TENM4: variants seen among roughly 807,000 people sequenced by gnomAD.
The protein encoded by TENM4 is teneurin-4.
TENM4 carries 82 observed loss-of-function variants against 243.3 expected under a neutral mutation model. That is an observed-to-expected ratio of 0.34 (90% confidence interval 0.28 to 0.40). The LOEUF is 0.40. Ranked by LOEUF, TENM4 falls within the 10% of genes least tolerant of loss-of-function variation. The pLI, the probability that TENM4 is intolerant of heterozygous loss-of-function variation, is 1.00. For missense variants in TENM4, 3,138 were observed against 3,673.3 expected (o/e 0.85, Z 3.77); for synonymous variants, 1,412 against 1,456.3 (o/e 0.97, Z 0.69).
chr11:78,995,562 G>T (rs11237677), intron 6 of TENM4, among the ~76,000 whole-genome samples: 23,923 of 152,166 alleles, frequency 0.16, 2,152 homozygotes, highest in Middle Eastern at 0.27. Context: ...AAATGCTATG[G>T]GTCAAAATCT....
At chr11:78,803,363 A>G (rs1857322440) in intron 15 of TENM4, among the ~76,000 whole-genome samples, 1 of 152,310 alleles carries the variant, frequency 6.6e-6, no homozygotes, top group East Asian at 1.9e-4. Flanking sequence ...CTATAACTCC[A>G]GAAGGTAGGT....
At chr11:79,421,652 G>C (rs2135590901) in intron 1 of TENM4, among the ~76,000 whole-genome samples, 1 of 151,836 alleles carries the variant, frequency 6.6e-6, no homozygotes, top group Non-Finnish European at 1.5e-5. Context: ...TAATTAAATA[G>C]GAGCTAAAGG....
Position 78,899,568 on chromosome 11 carries a change from GGGGAA to G in TENM4, c.749+3695_749+3699del, listed in dbSNP as rs1194837419. ...ACTCTGTCTCAAAAAGCGGGGGGGG[GGGGAA>G]AAAGAAAAAAGAAAGAAAATTTGAT... On this transcript the variant is annotated intron_variant, in intron 7 of 33. Coordinates refer to ENST00000278550, the MANE Select transcript of TENM4 (RefSeq NM_001098816.3). Among the ~76,000 whole-genome samples, 2 of 129,272 alleles carry G rather than the reference GGGGAA, an allele frequency of 1.5e-5. 1 individual carries two copies. Among genetic ancestry groups the G allele is most frequent in the Admixed American group, 1.6e-4 (2 of 12,738 alleles). 84.8% of individuals were successfully genotyped at this position (129,272 alleles called of 152,430 possible). A position where few individuals can be genotyped will look rare whatever the true frequency, so the allele number is the denominator to read the frequency against.
chr11:79,421,303 G>A (rs1325955686), intron 1 of TENM4, among the ~76,000 whole-genome samples: 1 of 152,126 alleles, frequency 6.6e-6, no homozygotes, highest in African/African-American at 2.4e-5. Context: ...TGTATGTGAA[G>A]GAGAACCTAG....
intron 9 of TENM4, among the ~76,000 whole-genome samples, chr11:78,868,497 G>A (rs1488994456): frequency 2.0e-5 from 3 of 152,150 alleles, no homozygotes; most frequent in Non-Finnish European, 4.4e-5. Flanking sequence ...TCTTGGCTCT[G>A]GTCAATCTCA....
intron 6 of TENM4, among the ~76,000 whole-genome samples, chr11:79,025,260 G>GGAATGAATGAAT (rs67342343): frequency 2.5e-4 from 37 of 150,898 alleles, no homozygotes; most frequent in African/African-American, 8.1e-4. Context: ...GCATAACACT[G>GGAATGAATGAAT]GAATGAATGA....
At position 78,978,196 on chromosome 11, in the gene TENM4, CCTGTTGGCGG is replaced by C. The variant is rs1483588273; in HGVS notation, c.494-74683_494-74674del. On this transcript the variant is annotated intron_variant, in intron 6 of 33. Coordinates refer to ENST00000278550, the MANE Select transcript of TENM4 (RefSeq NM_001098816.3). ...GGGAGGGGAAAAACATACACTGCAG[CCTGTTGGCGG>C]ATGGGGGGCTAGGGGAGGGATAGCA... Among the ~76,000 whole-genome samples the C allele has an allele frequency of 2.2e-3, 340 of 152,054 alleles. 4 individuals carry two copies. The highest frequency in any genetic ancestry group is 7.4e-3 in the African/African-American group (308 of 41,470).
At chr11:78,798,953 T>A (rs528588532) in intron 15 of TENM4, among the ~76,000 whole-genome samples, 5 of 152,288 alleles carry the variant, frequency 3.3e-5, no homozygotes, top group African/African-American at 9.6e-5. Flanking sequence ...GCGTCTCATT[T>A]CCTGACCAGG....
At chr11:79,245,628 A>G (rs1855497340) in intron 2 of TENM4, among the ~76,000 whole-genome samples, 1 of 152,174 alleles carries the variant, frequency 6.6e-6, no homozygotes, top group South Asian at 2.1e-4. Flanking sequence ...TTTATAGAAA[A>G]AGAAAGGAAG....
intron 9 of TENM4, among the ~76,000 whole-genome samples, chr11:78,868,816 C>G (rs528764024): frequency 1.3e-5 from 2 of 152,146 alleles, no homozygotes; most frequent in African/African-American, 4.8e-5. Flanking sequence ...GTTATAACCA[C>G]AAGGAACTGT....
Position 79,157,137 on chromosome 11 carries a change from T to C in TENM4, c.-162-8331A>G, listed in dbSNP as rs531674490. 7.2e-5 allele frequency among the ~76,000 whole-genome samples: 11 copies of C among 152,258 alleles called. 1 individual carries two copies. The East Asian group carries it at 1.9e-3, about 27-fold the overall frequency. On this transcript the variant is annotated intron_variant, in intron 3 of 33. Transcript: ENST00000278550. ...ATGGGACAGTGCAGGAGCTCCCCAG[T>C]TAGTAGCAGTGCAGGACACAGAGCC...
At chr11:78,862,002 T>C (rs939021685) in intron 10 of TENM4, among the ~76,000 whole-genome samples, 4 of 152,192 alleles carry the variant, frequency 2.6e-5, no homozygotes, top group Non-Finnish European at 5.9e-5. Flanking sequence ...ACAATGTCCA[T>C]GGCATGTTAG....
chr11:79,196,873 C>T (rs1863638753), intron 3 of TENM4, among the ~76,000 whole-genome samples: 1 of 152,178 alleles, frequency 6.6e-6, no homozygotes, highest in Admixed American at 6.5e-5. Flanking sequence ...TCCAACCAGC[C>T]TCACTGACAG....
chr11:79,208,395 T>C (rs774459247), intron 3 of TENM4, among the ~76,000 whole-genome samples: 14 of 152,230 alleles, frequency 9.2e-5, no homozygotes, highest in East Asian at 1.9e-4. Flanking sequence ...CTCTCCACCC[T>C]GGTTTCCTCA....
At chr11:79,031,653 G>A (rs1427060095) in intron 6 of TENM4, among the ~76,000 whole-genome samples, 1 of 152,162 alleles carries the variant, frequency 6.6e-6, no homozygotes, top group African/African-American at 2.4e-5. Flanking sequence ...GAGGGGTTTA[G>A]GACTGTACCT....
chr11:78,855,304 T>A (rs961224892), intron 11 of TENM4, among the ~76,000 whole-genome samples: 2 of 152,210 alleles, frequency 1.3e-5, no homozygotes, highest in Non-Finnish European at 2.9e-5. Flanking sequence ...TTTACATTAC[T>A]CCAATTCCAG....
At chr11:79,118,978 C>T (rs796086653) in intron 4 of TENM4, among the ~76,000 whole-genome samples, 31 of 151,890 alleles carry the variant, frequency 2.0e-4, no homozygotes, top group African/African-American at 7.5e-4. Context: ...GAGGAATTGC[C>T]ATACTGTTTT....
intron 2 of TENM4, among the ~76,000 whole-genome samples, chr11:79,252,977 A>G (rs751346887): frequency 6.6e-6 from 1 of 152,236 alleles, no homozygotes; most frequent in East Asian, 1.9e-4. Context: ...TGCTTAATAC[A>G]TATATTATAT....
chr11:78,738,182 T>C (rs1162374851), intron 20 of TENM4, among the ~76,000 whole-genome samples: 1 of 152,208 alleles, frequency 6.6e-6, no homozygotes, highest in African/African-American at 2.4e-5. Flanking sequence ...TTTTATATCA[T>C]AAGTCATGGA....
Sources: allele counts gnomAD v4.1 joint callset (sites outside exome capture counted in the v4.1 genomes callset), GRCh38; gene constraint gnomAD v4.1.1; transcripts MANE v1.5; gene names NCBI Gene and HGNC (gene_info 2026-07-23, HGNC 2026-07-21).